EFNA5: variants seen among roughly 807,000 people sequenced by gnomAD.
EFNA5 encodes ephrin A5.
A neutral mutation model predicts 22.9 loss-of-function variants in EFNA5; 5 were observed. The ratio of observed to expected loss-of-function variants is 0.22; its 90% confidence interval spans 0.11 to 0.46. The LOEUF (loss-of-function observed/expected upper bound fraction) is 0.46, where lower values mean the gene tolerates loss of function less well. EFNA5 is among the 20% of genes least tolerant of loss of function. The probability of loss-of-function intolerance (pLI) is 0.99; values close to 1 mark genes in which losing one functional copy is unlikely to be tolerated. For missense variants in EFNA5, 237 were observed against 293.3 expected, an observed-to-expected ratio of 0.81 and a Z score of 1.40; for synonymous variants, 113 against 112.2, an observed-to-expected ratio of 1.01 and a Z score of -0.04.
chr5:107,496,772 G>A (rs2112421026), intron 1 of EFNA5, among the ~76,000 whole-genome samples: 1 of 152,312 alleles, frequency 6.6e-6, no homozygotes, highest in Non-Finnish European at 1.5e-5. Context: ...AGAAACGTGG[G>A]TCAGCAAACC....
At chr5:107,536,766 A>G (rs182482255) in intron 1 of EFNA5, among the ~76,000 whole-genome samples, 1 of 152,328 alleles carries the variant, frequency 6.6e-6, no homozygotes, top group East Asian at 1.9e-4. Context: ...TTGGAGACAC[A>G]GGGAACACAC....
intron 1 of EFNA5, among the ~76,000 whole-genome samples, chr5:107,630,258 G>A (rs1340578469): frequency 6.6e-6 from 1 of 152,110 alleles, no homozygotes; most frequent in Non-Finnish European, 1.5e-5. Flanking sequence ...AAGGAGAAAT[G>A]TTCTGAGAAA....
intron 1 of EFNA5, among the ~76,000 whole-genome samples, chr5:107,481,266 A>G (rs27445): frequency 0.73 from 111,568 of 152,078 alleles, 42,351 homozygotes; most frequent in African/African-American, 0.93. Context: ...TACAGGAGTG[A>G]GTTGGGGAAA....
At chr5:107,464,581 C>G (rs10491396) in intron 1 of EFNA5, among the ~76,000 whole-genome samples, 1 of 152,088 alleles carries the variant, frequency 6.6e-6, no homozygotes, top group African/African-American at 2.4e-5. Flanking sequence ...CTAAGGTGAA[C>G]AGTTTCATTT....
At chr5:107,578,721 C>T (rs78487221) in intron 1 of EFNA5, among the ~76,000 whole-genome samples, 1 of 152,078 alleles carries the variant, frequency 6.6e-6, no homozygotes, top group East Asian at 1.9e-4. Context: ...CACACTCATA[C>T]CCATGTACAT....
intron 1 of EFNA5, among the ~76,000 whole-genome samples, chr5:107,507,830 G>A (rs1438659178): frequency 1.3e-5 from 2 of 152,100 alleles, no homozygotes; most frequent in Non-Finnish European, 2.9e-5. Context: ...TAATTTCTTG[G>A]TAAAAATGTA....
intron 1 of EFNA5, among the ~76,000 whole-genome samples, chr5:107,488,415 T>C (rs1233272640): frequency 6.6e-6 from 1 of 152,212 alleles, no homozygotes; most frequent in African/African-American, 2.4e-5. Context: ...AGTAAAGAAA[T>C]GATGTGCTAG....
intron 1 of EFNA5, among the ~76,000 whole-genome samples, chr5:107,451,233 G>A (rs897044784): frequency 6.6e-6 from 1 of 152,172 alleles, no homozygotes; most frequent in African/African-American, 2.4e-5. Flanking sequence ...TACTTCACAT[G>A]TGTAATTTGC....
chr5:107,622,406 G>A (rs1349308788), intron 1 of EFNA5, among the ~76,000 whole-genome samples: 4 of 152,088 alleles, frequency 2.6e-5, no homozygotes, highest in African/African-American at 4.8e-5. Context: ...TTTGAGTATG[G>A]GTATTAAAAC....
intron 1 of EFNA5, among the ~76,000 whole-genome samples, chr5:107,629,570 G>T (rs1209582020): frequency 1.3e-5 from 2 of 152,224 alleles, no homozygotes; most frequent in Admixed American, 6.5e-5. Context: ...GGTGAGGGAT[G>T]TTGATAATGG....
chr5:107,415,196 T>C (rs1204951093), intron 2 of EFNA5, among the ~76,000 whole-genome samples: 2 of 152,110 alleles, frequency 1.3e-5, no homozygotes, highest in African/African-American at 4.8e-5. Flanking sequence ...TATATATACA[T>C]ATGGAATGGA....
At chr5:107,417,240 G>A (rs1748526609) in intron 2 of EFNA5, among the ~76,000 whole-genome samples, 1 of 152,112 alleles carries the variant, frequency 6.6e-6, no homozygotes. Context: ...ATAGTAAAAT[G>A]AAAAGATATT....
chr5:107,408,450 T>C (rs989313755), intron 2 of EFNA5, among the ~76,000 whole-genome samples: 1 of 152,216 alleles, frequency 6.6e-6, no homozygotes, highest in African/African-American at 2.4e-5. Flanking sequence ...TGAAAAGAAC[T>C]CCATTTTTGT....
intron 2 of EFNA5, among the ~76,000 whole-genome samples, chr5:107,399,421 G>A (rs1224111651): frequency 6.6e-6 from 1 of 151,516 alleles, no homozygotes; most frequent in South Asian, 2.1e-4. Context: ...GAAGGAGAGA[G>A]AGAGAGAGAA....
intron 1 of EFNA5, among the ~76,000 whole-genome samples, chr5:107,587,356 T>C (rs1227952770): frequency 6.6e-6 from 1 of 152,098 alleles, no homozygotes; most frequent in Non-Finnish European, 1.5e-5. Flanking sequence ...CTTGACCTAC[T>C]TGTATGCTGG....
At chr5:107,524,225 T>A (rs2112445864) in intron 1 of EFNA5, among the ~76,000 whole-genome samples, 1 of 152,312 alleles carries the variant, frequency 6.6e-6, no homozygotes, top group South Asian at 2.1e-4. Flanking sequence ...TCACCTATGT[T>A]CCTGGCAGGC....
At chr5:107,427,635 C>A (rs1748842877) in intron 1 of EFNA5, 126 bp from the exon 2 acceptor site, 2 of 808,094 alleles carry the variant, frequency 2.5e-6, no homozygotes, top group East Asian at 2.9e-5. Context: ...TTACTGAATG[C>A]CATTATGATT....
intron 1 of EFNA5, among the ~76,000 whole-genome samples, chr5:107,579,613 T>C (rs1053742184): frequency 1.4e-5 from 2 of 140,308 alleles, no homozygotes; most frequent in African/African-American, 5.6e-5. Context: ...AAGCCACAGT[T>C]AATAGTATTA....
At chr5:107,423,739 T>C (rs1748735217) in intron 2 of EFNA5, among the ~76,000 whole-genome samples, 1 of 152,178 alleles carries the variant, frequency 6.6e-6, no homozygotes, top group Admixed American at 6.5e-5. Context: ...ATTTGTCAGA[T>C]TCAGAGATGG....
Sources: allele counts gnomAD v4.1 joint callset (sites outside exome capture counted in the v4.1 genomes callset), GRCh38; gene constraint gnomAD v4.1.1; transcripts MANE v1.5; gene names NCBI Gene and HGNC (gene_info 2026-07-23, HGNC 2026-07-21).